HDGFL3: variants seen among roughly 807,000 people sequenced by gnomAD.
The protein encoded by HDGFL3 is hepatoma-derived growth factor-related protein 3.
In HDGFL3, 6 loss-of-function variants were observed where a neutral mutation model predicts 27.6. The observed-to-expected ratio is 0.22, with a 90% CI of 0.12 to 0.43. The LOEUF (loss-of-function observed/expected upper bound fraction) is 0.43, where lower values mean the gene tolerates loss of function less well. Ranked by LOEUF, HDGFL3 falls within the 20% of genes least tolerant of loss-of-function variation. The pLI, the probability that HDGFL3 is intolerant of heterozygous loss-of-function variation, is 1.00. For synonymous variants in HDGFL3, 88 were observed against 88.9 expected (o/e 0.99, Z 0.05); for missense variants, 207 against 250.1 (o/e 0.83, Z 1.16).
At chr15:83,156,613 T>C (rs948896418) in intron 4 of HDGFL3, among the ~76,000 whole-genome samples, 3 of 152,250 alleles carry the variant, frequency 2.0e-5, no homozygotes, top group African/African-American at 7.2e-5. Flanking sequence ...ATACGAAGCC[T>C]TGACGTGTGG....
intron 1 of HDGFL3, 56 bp from the exon 2 acceptor site, chr15:83,164,131 C>A: frequency 9.6e-7 from 1 of 1,040,480 alleles, no homozygotes; most frequent in Non-Finnish European, 1.4e-6. Context: ...ACAATGTGAG[C>A]ATTGTTCTGA....
chr15:83,142,551 C>T (rs1048092744), intron 5 of HDGFL3, among the ~76,000 whole-genome samples: 2 of 151,940 alleles, frequency 1.3e-5, no homozygotes, highest in Non-Finnish European at 2.9e-5. Context: ...GGAAGAGGAT[C>T]AGAAAAAGTA....
At chr15:83,127,653 C>A (rs1015380695), downstream of HDGFL3, 16 of 629,338 alleles carry the variant, frequency 2.5e-5, no homozygotes, top group Non-Finnish European at 3.8e-5. Flanking sequence ...TTCAATCTCA[C>A]AATAACTATA....
At chr15:83,191,578 T>C (rs762823247) in intron 1 of HDGFL3, among the ~76,000 whole-genome samples, 9 of 152,320 alleles carry the variant, frequency 5.9e-5, no homozygotes, top group African/African-American at 1.2e-4. Flanking sequence ...TATAAAATTG[T>C]AAGTTTAAGA....
chr15:83,171,915 T>C (rs2037251107), intron 1 of HDGFL3, among the ~76,000 whole-genome samples: 1 of 152,174 alleles, frequency 6.6e-6, no homozygotes, highest in Non-Finnish European at 1.5e-5. Flanking sequence ...AAAAGAACAC[T>C]GTATGAACAT....
chr15:83,140,484 T>C (rs1190981615), intron 5 of HDGFL3, among the ~76,000 whole-genome samples: 2 of 148,422 alleles, frequency 1.3e-5, no homozygotes, highest in South Asian at 2.2e-4. Flanking sequence ...AAAGAAAGTT[T>C]TTTTTTTTTT....
At chr15:83,167,435 G>C (rs2037185532) in intron 1 of HDGFL3, among the ~76,000 whole-genome samples, 1 of 152,078 alleles carries the variant, frequency 6.6e-6, no homozygotes, top group African/African-American at 2.4e-5. Context: ...GCGGATGCCT[G>C]TAATCCCAGC....
chr15:83,162,011 A>T (rs572916665), intron 2 of HDGFL3, among the ~76,000 whole-genome samples: 2 of 152,202 alleles, frequency 1.3e-5, no homozygotes, highest in Non-Finnish European at 2.9e-5. Context: ...TCATGTTCTG[A>T]GGAAAATTCT....
At chr15:83,202,205 T>C (rs1354798811) in intron 1 of HDGFL3, among the ~76,000 whole-genome samples, 2 of 152,164 alleles carry the variant, frequency 1.3e-5, no homozygotes, top group Admixed American at 6.5e-5. Context: ...ATTTAATCTA[T>C]TGCTAGAGAT....
At chr15:83,177,138 T>G (rs1596560129) in intron 1 of HDGFL3, among the ~76,000 whole-genome samples, 1 of 152,194 alleles carries the variant, frequency 6.6e-6, no homozygotes, top group Non-Finnish European at 1.5e-5. Context: ...AGGCTGGTCT[T>G]GAACTCCTGA....
chr15:83,163,927 C>T lies in HDGFL3; in HGVS notation c.161+72G>A, dbSNP rs1199454242. 3.1e-6 allele frequency: 3 copies of T among 957,324 alleles called. No individual in the cohort carries two copies. In the African/African-American group the frequency reaches 4.9e-5, roughly 16 times the overall value. 59.3% of individuals were successfully genotyped at this position (957,324 alleles called of 1,614,324 possible). On this transcript the variant is annotated intron_variant, in intron 2 of 5. Transcript: ENST00000299633. ...ATGATTTTAATAAGACGTAAGATGTCAGAGATCATCCATAACAATGTAGCA... is the reference window on the plus strand; with the variant it reads ...ATGATTTTAATAAGACGTAAGATGTTAGAGATCATCCATAACAATGTAGCA...
At chr15:83,189,529 G>A (rs907119995) in intron 1 of HDGFL3, 2 of 152,128 alleles carry the variant, frequency 1.3e-5, no homozygotes, top group Non-Finnish European at 2.9e-5. Flanking sequence ...TTATTATACA[G>A]AAACACACAC....
At chr15:83,204,385 T>C (rs1567179738) in intron 1 of HDGFL3, among the ~76,000 whole-genome samples, 1 of 152,124 alleles carries the variant, frequency 6.6e-6, no homozygotes, top group Non-Finnish European at 1.5e-5. Context: ...GTTAATGGCA[T>C]GCATGTGTCT....
At chr15:83,174,461 G>A (rs2037284694) in intron 1 of HDGFL3, among the ~76,000 whole-genome samples, 1 of 148,738 alleles carries the variant, frequency 6.7e-6, no homozygotes, top group Non-Finnish European at 1.5e-5. Context: ...TAAAACTTCT[G>A]TAAAAACCTT....
intron 1 of HDGFL3, among the ~76,000 whole-genome samples, chr15:83,172,983 A>G (rs572906716): frequency 1.3e-5 from 2 of 152,302 alleles, no homozygotes; most frequent in East Asian, 3.9e-4. Flanking sequence ...CAGAGGTGGA[A>G]GAAAATTCAC....
At chr15:83,140,086 C>T (rs2036737653) in intron 5 of HDGFL3, among the ~76,000 whole-genome samples, 1 of 152,120 alleles carries the variant, frequency 6.6e-6, no homozygotes, top group Non-Finnish European at 1.5e-5. Flanking sequence ...CTCTTAATTT[C>T]ACTAAATGAA....
At chr15:83,114,910 A>G (rs1335173669) in exon 4 of HDGFL3, 2 of 152,254 alleles carry the variant, frequency 1.3e-5, no homozygotes, top group Non-Finnish European at 2.9e-5. Flanking sequence ...ATTCTCTGAC[A>G]GGTATAGCTT....
downstream of HDGFL3, among the ~76,000 whole-genome samples, chr15:83,126,370 A>G (rs769215420): frequency 6.6e-6 from 1 of 152,204 alleles, no homozygotes; most frequent in Non-Finnish European, 1.5e-5. Context: ...AAATCTTGCA[A>G]TGCATAGTAA....
At chr15:83,118,244 C>CACACACACACACACACACAT (rs2034876413) in intron 3 of HDGFL3, among the ~76,000 whole-genome samples, 1 of 86,588 alleles carries the variant, frequency 1.2e-5, no homozygotes, top group African/African-American at 5.5e-5. Context: ...CACACACACA[C>CACACACACACACACACACAT]ACACACACAC....
Sources: gnomAD v4.1 joint callset for allele counts (sites outside exome capture counted in the v4.1 genomes callset) on GRCh38, gnomAD v4.1.1 for gene constraint, MANE v1.5 for transcripts, NCBI Gene and HGNC (gene_info 2026-07-23, HGNC 2026-07-21) for gene names.